The following SRPRA variants were observed in gnomAD, a reference collection of about 807,000 sequenced individuals.
SRPRA encodes the protein SRP receptor subunit alpha.
SRPRA carries 30 observed loss-of-function variants against 61.1 expected under a neutral mutation model. The observed-to-expected ratio is 0.49, with a 90% CI of 0.37 to 0.67. The LOEUF is 0.67. SRPRA is among the 30% of genes least tolerant of loss of function. The pLI is 0.00. For synonymous variants in SRPRA, 324 were observed against 299.7 expected (o/e 1.08, Z -0.84); for missense variants, 759 against 828.4 (o/e 0.92, Z 1.03).
chr11:126,245,395 C>A, the SRPRA span: 8 of 152,050 alleles, frequency 5.3e-5, no homozygotes, highest in Admixed American at 2.0e-4. Context: ...TCAAAGCTTA[C>A]TACAGAGCCA....
At chr11:126,241,083 C>A in the SRPRA span, 174,282 of 1,511,882 alleles carry the variant, frequency 0.12, 10,425 homozygotes, top group South Asian at 0.14. Context: ...TTGGAATTTC[C>A]TAAAATTTAA....
the SRPRA span, among the ~76,000 whole-genome samples, chr11:126,245,650 T>C: frequency 6.6e-6 from 1 of 150,426 alleles, no homozygotes; most frequent in Non-Finnish European, 1.5e-5. Context: ...GCTATGATCA[T>C]GTCATTGTAC....
At chr11:126,257,309 C>T in the SRPRA span, among the ~76,000 whole-genome samples, 1 of 152,070 alleles carries the variant, frequency 6.6e-6, no homozygotes, top group South Asian at 2.1e-4. Flanking sequence ...AACAATTTAT[C>T]CTAGAAGTTT....
At chr11:126,247,751 G>A in the SRPRA span, among the ~76,000 whole-genome samples, 2 of 151,344 alleles carry the variant, frequency 1.3e-5, no homozygotes, top group East Asian at 1.9e-4. Context: ...CCAGCTACTC[G>A]GGAGGCTGAG....
At position 126,265,925 on chromosome 11, in the gene SRPRA, TC is replaced by T; in HGVS notation, c.1051+37del. On this transcript the variant is annotated intron_variant, in intron 8 of 13. Coordinates refer to ENST00000332118, the MANE Select transcript of SRPRA (RefSeq NM_003139.4). This position sits in a 1 kb window ranked among gnomAD's most constrained non-coding sequence, Gnocchi z 6.3. ...GTGATTCTGCTCTCAACTACCCCTA[TC>T]CCGCGAGTATGAGTCAGCCCGGTCC... 1 of 1,611,480 alleles carries T rather than the reference TC, an allele frequency of 6.2e-7. No homozygotes were observed.
At position 126,264,106 on chromosome 11, in the gene SRPRA, A is replaced by G. The variant is rs556590137; in HGVS notation, c.1789-62T>C. ...CCACTTTTCACTCACCCTCTCAGGA[A>G]CAGGAAGCGCTGGAGCCAAGATTTC... is the stretch of plus-strand genomic sequence containing the variant. On this transcript the variant is annotated intron_variant, in intron 13 of 13. Transcript: ENST00000332118. The surrounding 1 kb of genome is among the most constrained non-coding windows in gnomAD (Gnocchi z 5.0). The G allele has an allele frequency of 3.7e-6, 6 of 1,613,232 alleles. No homozygotes were observed. The African/African-American group carries it at 8.0e-5, about 22-fold the overall frequency.
rs372576670 is a variant in SRPRA at position 126,266,424 on chromosome 11, A to G, written c.840+52T>C. The G allele has an allele frequency of 3.3e-4, 529 of 1,601,012 alleles. 2 individuals carry two copies. The highest frequency in any genetic ancestry group is 4.3e-4 in the Non-Finnish European group (499 of 1,172,084). On this transcript the variant is annotated intron_variant, in intron 6 of 13. Transcript: ENST00000332118. The stretch of plus-strand genomic sequence containing the variant: ...TCCCAGTATCACGTTCCCACACTCT[A>G]CTTCCTCCCAATTTGTTGTTAAAGA...
Position 126,266,226 on chromosome 11 carries a change from G to A in SRPRA, c.893C>T (p.Ser298Phe). The A allele has an allele frequency of 6.2e-7, 1 of 1,614,180 alleles. No individual in the cohort carries two copies. Among genetic ancestry groups the A allele is most frequent in the Non-Finnish European group, 8.5e-7 (1 of 1,180,036 alleles). ...GQLQDLDCSSSDDEGAAQNST... is the reference protein window; with the variant it reads ...GQLQDLDCSSFDDEGAAQNST... ...GTTTTGAGCAGCCCCTTCGTCATCA[G>A]AGCTGCTGCAGTCCAGATCCTGAAG... Residue 298 changes from serine to phenylalanine, a missense_variant, in exon 7 of 14, where the codon TCT becomes TTT. Physicochemically the swap from Ser to Phe is radical, Grantham distance 155 (BLOSUM62 -2). Around this residue, in one of 2 missense-constraint regions of SRPRA, gnomAD observed 475 missense variants for 462.5 expected, o/e 1.03. Transcript: ENST00000332118.
Position 126,268,839 on chromosome 11 carries a change from G to C in SRPRA, c.-35C>G. On this transcript the variant is annotated 5_prime_UTR_variant, in exon 1 of 14. Transcript: ENST00000332118. ...GGCAGAGGAGCTGGGGCCGGCGCCG[G>C]GAATTCAGGCCGCGTTCGCCGCCGC... The C allele has an allele frequency of 6.4e-7, 1 of 1,570,440 alleles. No individual in the cohort carries two copies. The highest frequency in any genetic ancestry group is 2.2e-5 in the East Asian group (1 of 44,648).
At chr11:126,239,074 G>A in the SRPRA span, among the ~76,000 whole-genome samples, 13 of 150,418 alleles carry the variant, frequency 8.6e-5, no homozygotes, top group Admixed American at 2.7e-4. Flanking sequence ...CTGGGCTCAC[G>A]TGATCCTCCC....
downstream of SRPRA, among the ~76,000 whole-genome samples, chr11:126,258,289 A>G (rs1206970394): frequency 2.0e-5 from 3 of 152,250 alleles, no homozygotes; most frequent in African/African-American, 7.2e-5. Context: ...TGGGAGGTTG[A>G]GGCAGGAGGA....
At chr11:126,240,821 A>C in the SRPRA span, 1 of 1,607,034 alleles carries the variant, frequency 6.2e-7, no homozygotes, top group African/African-American at 1.3e-5. Context: ...AAAACTAAGA[A>C]GCCTCGAGAA....
downstream of SRPRA, chr11:126,262,120 G>A: frequency 6.2e-7 from 1 of 1,613,986 alleles, no homozygotes; most frequent in Non-Finnish European, 8.5e-7. Flanking sequence ...CTCCCTACAG[G>A]CTGTAGTACA....
chr11:126,260,819 C>T (rs926152599), downstream of SRPRA: 2 of 152,218 alleles, frequency 1.3e-5, no homozygotes, highest in African/African-American at 2.4e-5. Flanking sequence ...GAACTATTAT[C>T]TATGCCAAGT....
At chr11:126,252,520 A>G in the SRPRA span, among the ~76,000 whole-genome samples, 1 of 151,692 alleles carries the variant, frequency 6.6e-6, no homozygotes, top group Non-Finnish European at 1.5e-5. This position sits in a 1 kb window ranked among gnomAD's most constrained non-coding sequence, Gnocchi z 4.7. Context: ...CTGAGGCGGG[A>G]GGATCACTTG....
chr11:126,248,527 GC>G, the SRPRA span, among the ~76,000 whole-genome samples: 1 of 151,492 alleles, frequency 6.6e-6, no homozygotes, highest in African/African-American at 2.4e-5. Context: ...CCACCACCAC[GC>G]CCAGCTAATT....
the SRPRA span, among the ~76,000 whole-genome samples, chr11:126,243,897 C>T: frequency 1.4e-5 from 2 of 139,102 alleles, no homozygotes; most frequent in East Asian, 4.0e-4. Flanking sequence ...GAGCAAGACT[C>T]CGTCTCAAAA....
intron 4 of SRPRA, 26 bp from the exon 5 acceptor site, chr11:126,266,948 A>G (rs1950821646): frequency 6.2e-7 from 1 of 1,604,526 alleles, no homozygotes. Context: ...CTCACTGAAG[A>G]AAAAAGAAGA....
At chr11:126,244,244 G>A in the SRPRA span, among the ~76,000 whole-genome samples, 1 of 152,118 alleles carries the variant, frequency 6.6e-6, no homozygotes, top group Non-Finnish European at 1.5e-5. The surrounding 1 kb of genome is among the most constrained non-coding windows in gnomAD (Gnocchi z 4.5). Flanking sequence ...TCTAGACCGG[G>A]CAGTTAAGCA....
Sources: gnomAD v4.1 joint callset for allele counts (sites outside exome capture counted in the v4.1 genomes callset) on GRCh38, gnomAD v4.1.1 for gene constraint, gnomAD v4.1.1 regional missense constraint, Gnocchi (gnomAD v3.1) non-coding constraint, MANE v1.5 for transcripts, NCBI Gene and HGNC (gene_info 2026-07-23, HGNC 2026-07-21) for gene names.